CIROZ: variants seen among roughly 807,000 people sequenced by gnomAD.
CIROZ encodes ciliated left-right organizer protein containing ZP-N domains, also known as ciliated left-right organizer ZP-N domains-containing protein.
At chr1:10,963,600 T>C in the CIROZ span, among the ~76,000 whole-genome samples, 1 of 152,012 alleles carries the variant, frequency 6.6e-6, no homozygotes, top group East Asian at 1.9e-4. Flanking sequence ...GAGAGAAACT[T>C]GAATTCAAGG....
chr1:10,947,023 T>C, the CIROZ span, among the ~76,000 whole-genome samples: 1 of 152,226 alleles, frequency 6.6e-6, no homozygotes, highest in East Asian at 1.9e-4. Context: ...TCTCGAGTTC[T>C]GAGTGCACTG....
At chr1:10,956,035 T>C in the CIROZ span, among the ~76,000 whole-genome samples, 16 of 152,112 alleles carry the variant, frequency 1.1e-4, no homozygotes, top group African/African-American at 3.4e-4. Context: ...AGGCTCATCA[T>C]GGTCATTGCC....
chr1:10,957,158 G>A, the CIROZ span: 2 of 1,438,688 alleles, frequency 1.4e-6, no homozygotes, highest in Non-Finnish European at 1.9e-6. Flanking sequence ...GCTCCTTCCA[G>A]ATGCAGACTC....
At chr1:10,948,575 C>T in the CIROZ span, 18 of 1,614,120 alleles carry the variant, frequency 1.1e-5, no homozygotes, top group South Asian at 6.6e-5. Context: ...TCGGGGCTGG[C>T]GGTGAAGGAG....
the CIROZ span, among the ~76,000 whole-genome samples, chr1:10,953,766 C>T: frequency 2.8e-4 from 43 of 152,300 alleles, no homozygotes; most frequent in African/African-American, 9.1e-4. Flanking sequence ...CACCCCCATC[C>T]GCCTCCCTTG....
chr1:10,948,418 C>T, the CIROZ span: 25 of 1,613,146 alleles, frequency 1.5e-5, no homozygotes, highest in East Asian at 2.2e-5. Flanking sequence ...GGCTCAGGTG[C>T]AGCCACATCC....
the CIROZ span, chr1:10,948,366 G>A: frequency 6.2e-7 from 1 of 1,613,594 alleles, no homozygotes; most frequent in Non-Finnish European, 8.5e-7. Flanking sequence ...CCTCGCCAAT[G>A]GCTGGAACTC....
the CIROZ span, chr1:10,949,632 G>A: frequency 3.1e-6 from 5 of 1,602,612 alleles, no homozygotes; most frequent in Admixed American, 1.7e-5. Flanking sequence ...GCTTTGGCCA[G>A]TGCGTCGGAA....
At chr1:10,957,577 C>A in the CIROZ span, 1 of 1,608,824 alleles carries the variant, frequency 6.2e-7, no homozygotes, top group Non-Finnish European at 8.5e-7. Flanking sequence ...GCCCCAGAGG[C>A]CCCTCACCTC....
the CIROZ span, among the ~76,000 whole-genome samples, chr1:10,981,833 C>T: frequency 3.1e-3 from 466 of 152,296 alleles, 2 homozygotes; most frequent in African/African-American, 0.01. Flanking sequence ...CGGACCTCAC[C>T]TGAGAAAGTC....
At chr1:10,967,236 AC>A in the CIROZ span, among the ~76,000 whole-genome samples, 3 of 145,740 alleles carry the variant, frequency 2.1e-5, no homozygotes, top group East Asian at 2.1e-4. Flanking sequence ...CACTTCTCTG[AC>A]CCCCTTTCCC....
chr1:10,956,428 C>G, the CIROZ span, among the ~76,000 whole-genome samples: 1 of 152,060 alleles, frequency 6.6e-6, no homozygotes. Flanking sequence ...TTAGGAGCTC[C>G]CAAGAATTTG....
chr1:10,947,647 G>A, the CIROZ span: 1 of 1,468,134 alleles, frequency 6.8e-7, no homozygotes, highest in Non-Finnish European at 9.0e-7. Flanking sequence ...ACTCACCCTG[G>A]AGTCTCCATG....
chr1:10,979,578 CG>C, the CIROZ span, among the ~76,000 whole-genome samples: 7,259 of 152,042 alleles, frequency 0.048, 570 homozygotes, highest in African/African-American at 0.16. Flanking sequence ...TTCGACCCAG[CG>C]CTTCCTCTCC....
chr1:10,974,204 G>C, the CIROZ span, among the ~76,000 whole-genome samples: 4 of 152,126 alleles, frequency 2.6e-5, no homozygotes, highest in Non-Finnish European at 5.9e-5. This position sits in a 1 kb window ranked among gnomAD's most constrained non-coding sequence, Gnocchi z 4.4. Flanking sequence ...GGGACTCGTG[G>C]TGCCTCTTTC....
the CIROZ span, among the ~76,000 whole-genome samples, chr1:10,970,690 AG>A: frequency 1.3e-3 from 204 of 152,180 alleles, no homozygotes; most frequent in African/African-American, 4.6e-3. Context: ...CAGATTCAGT[AG>A]GTCTAAGGCG....
chr1:10,957,111 G>C, the CIROZ span: 2 of 1,548,202 alleles, frequency 1.3e-6, no homozygotes, highest in Middle Eastern at 2.2e-4. Context: ...TCAGCACCTG[G>C]GGAGGAAGGG....
At chr1:10,964,662 A>T in the CIROZ span, among the ~76,000 whole-genome samples, 5 of 152,188 alleles carry the variant, frequency 3.3e-5, no homozygotes, top group Non-Finnish European at 7.3e-5. Context: ...ACACAGTCTC[A>T]TTCAGTCACC....
the CIROZ span, among the ~76,000 whole-genome samples, chr1:10,972,469 T>C: frequency 1.7e-5 from 2 of 120,520 alleles, no homozygotes; most frequent in African/African-American, 5.5e-5. Flanking sequence ...ACACACACTC[T>C]AGAATTATTC....
Sources: gnomAD v4.1 joint callset for allele counts (sites outside exome capture counted in the v4.1 genomes callset) on GRCh38, gnomAD v4.1.1 for gene constraint, Gnocchi (gnomAD v3.1) non-coding constraint, MANE v1.5 for transcripts, NCBI Gene and HGNC (gene_info 2026-07-23, HGNC 2026-07-21) for gene names.